RBFOX1: variants seen among roughly 807,000 people sequenced by gnomAD.
The protein encoded by RBFOX1 is RNA binding fox-1 homolog 1.
RBFOX1 carries 8 observed loss-of-function variants against 57.7 expected under a neutral mutation model. That is an observed-to-expected ratio of 0.14 (90% confidence interval 0.08 to 0.25). RBFOX1 has a LOEUF of 0.25. Among genes scored for constraint, RBFOX1 ranks in the 10% least tolerant of loss-of-function variants. RBFOX1 has a pLI of 1.00. For synonymous variants in RBFOX1, 326 were observed against 222.4 expected, an observed-to-expected ratio of 1.47 and a Z score of -4.15; for missense variants, 611 against 548.5, an observed-to-expected ratio of 1.11 and a Z score of -1.14.
chr16:6,664,813 T>A (rs2154102492), intron 3 of RBFOX1, among the ~76,000 whole-genome samples: 1 of 152,282 alleles, frequency 6.6e-6, no homozygotes, highest in South Asian at 2.1e-4. Context: ...AAAGGCAAGG[T>A]AGTACAGTTT....
intron 2 of RBFOX1, among the ~76,000 whole-genome samples, chr16:5,530,236 A>G (rs1163908528): frequency 6.6e-6 from 1 of 152,198 alleles, no homozygotes; most frequent in Non-Finnish European, 1.5e-5. Flanking sequence ...TCCTGATGTG[A>G]TAATGGTGAG....
rs944254731 is a variant in RBFOX1, at chr16:6,137,712, C to G, written c.-127+117720C>G. Among the ~76,000 whole-genome samples the G allele has an allele frequency of 2.0e-5, 3 of 146,768 alleles. No individual in the cohort carries two copies. In the East Asian group the frequency reaches 6.1e-4, roughly 30 times the overall value. The stretch of plus-strand genomic sequence containing the variant: ...TACTACAGCCTCAACTTCTGGGGCT[C>G]AAGTAATCCTGCCACCTCAGCCTCT... On this transcript the variant is annotated intron_variant, in intron 1 of 15. Transcript: ENST00000550418.
At chr16:5,407,849 C>T (rs1414867398) in intron 1 of RBFOX1, among the ~76,000 whole-genome samples, 1 of 152,108 alleles carries the variant, frequency 6.6e-6, no homozygotes, top group Non-Finnish European at 1.5e-5. Context: ...GCACATGGCC[C>T]AGGCCTTTGG....
At chr16:5,983,985 T>C (rs1304610847) in intron 4 of RBFOX1, among the ~76,000 whole-genome samples, 4 of 132,480 alleles carry the variant, frequency 3.0e-5, no homozygotes, top group Non-Finnish European at 6.4e-5. Context: ...TTCTTCTTCC[T>C]CCCACATTCT....
At chr16:6,661,531 T>G (rs111780310) in intron 3 of RBFOX1, among the ~76,000 whole-genome samples, 5,607 of 152,176 alleles carry the variant, frequency 0.037, 258 homozygotes, top group East Asian at 0.1. Flanking sequence ...ATCTTTACTG[T>G]ATGGGGCCAG....
chr16:6,804,982 G>C (rs1023090476), intron 3 of RBFOX1, among the ~76,000 whole-genome samples: 1 of 152,176 alleles, frequency 6.6e-6, no homozygotes, highest in Non-Finnish European at 1.5e-5. Context: ...CACTGTGAAA[G>C]GCAATTCATC....
At chr16:6,154,789 A>G (rs561415370) in intron 1 of RBFOX1, among the ~76,000 whole-genome samples, 15 of 152,360 alleles carry the variant, frequency 9.8e-5, no homozygotes, top group Admixed American at 2.0e-4. Flanking sequence ...TAATGTGACT[A>G]CAGGTCGTAC....
At chr16:5,536,105 C>A (rs934957657) in intron 2 of RBFOX1, among the ~76,000 whole-genome samples, 2 of 149,804 alleles carry the variant, frequency 1.3e-5, no homozygotes, top group Non-Finnish European at 3.0e-5. Flanking sequence ...GCCCCCCCCC[C>A]CTTTTTTTTC....
At chr16:6,048,254 G>A (rs1055218528) in intron 1 of RBFOX1, among the ~76,000 whole-genome samples, 1 of 152,166 alleles carries the variant, frequency 6.6e-6, no homozygotes, top group Non-Finnish European at 1.5e-5. Flanking sequence ...TGAGCGATAG[G>A]ATTTGAGTTC....
chr16:6,059,148 G>A (rs776081518), intron 1 of RBFOX1: 16 of 152,204 alleles, frequency 1.1e-4, no homozygotes, highest in Non-Finnish European at 2.2e-4. Context: ...GAAGGTAGAA[G>A]AGGTGAATAA....
chr16:7,391,602 C>T (rs2098023885), intron 4 of RBFOX1, among the ~76,000 whole-genome samples: 1 of 152,196 alleles, frequency 6.6e-6, no homozygotes, highest in Admixed American at 6.5e-5. Flanking sequence ...AACTTCAGTA[C>T]CTTCATTTGT....
rs537866658 is a variant in RBFOX1 at position 6,934,619 on chromosome 16, T to C, written c.-15-117438T>C. Among the ~76,000 whole-genome samples the C allele has an allele frequency of 7.2e-5, 11 of 152,288 alleles. No homozygotes were observed. The East Asian group carries it at 1.9e-3, about 27-fold the overall frequency. On this transcript the variant is annotated intron_variant, in intron 3 of 15. Coordinates refer to ENST00000550418, the MANE Select transcript of RBFOX1 (RefSeq NM_018723.4). Reference sequence around the variant, plus strand: ...CAGCACAGATGGAACTGGAGGTCATTGTGTTGTGAAATTACTCAAGCACAG... The same window carrying C: ...CAGCACAGATGGAACTGGAGGTCATCGTGTTGTGAAATTACTCAAGCACAG...
At chr16:7,315,354 G>A (rs17647885) in intron 4 of RBFOX1, among the ~76,000 whole-genome samples, 8,779 of 151,836 alleles carry the variant, frequency 0.058, 322 homozygotes, top group South Asian at 0.1. Context: ...AGAAAGATAC[G>A]TAAGGCTTTT....
intron 1 of RBFOX1, among the ~76,000 whole-genome samples, chr16:6,286,080 C>T (rs2076878093): frequency 1.3e-5 from 2 of 152,080 alleles, no homozygotes; most frequent in South Asian, 2.1e-4. Context: ...TAAATGTTCA[C>T]GTATGGCCCT....
intron 2 of RBFOX1, among the ~76,000 whole-genome samples, chr16:6,377,410 TG>T (rs753384051): frequency 1.3e-5 from 2 of 152,190 alleles, no homozygotes; most frequent in Non-Finnish European, 2.9e-5. Flanking sequence ...TCTGACATTC[TG>T]GGGGGCCATG....
chr16:6,221,991 C>A (rs1212596367), intron 1 of RBFOX1, among the ~76,000 whole-genome samples: 2 of 152,102 alleles, frequency 1.3e-5, no homozygotes, highest in African/African-American at 4.8e-5. Context: ...AAGCAGTGGT[C>A]CTTCTTCATG....
intron 3 of RBFOX1, among the ~76,000 whole-genome samples, chr16:5,841,172 A>G (rs2056612711): frequency 6.6e-6 from 1 of 152,336 alleles, no homozygotes; most frequent in African/African-American, 2.4e-5. Context: ...ATCATCTCCA[A>G]CACTATATAG....
At position 5,960,013 on chromosome 16, in the gene RBFOX1, C is replaced by A. The variant is rs146092813; in HGVS notation, c.351+92678C>A. On this transcript the variant is annotated intron_variant, in intron 4 of 19. Transcript: ENST00000641259. ...GTCCGGAGTTCAAGACCAGCCTTGC[C>A]AACATGGTGAAACCCCGTCTCTACT... 4.7e-4 allele frequency among the ~76,000 whole-genome samples: 71 copies of A among 152,174 alleles called. No individual in the cohort carries two copies. The East Asian group carries it at 9.1e-3, about 20-fold the overall frequency.
At chr16:6,876,378 C>T (rs538713087) in intron 3 of RBFOX1, among the ~76,000 whole-genome samples, 1 of 151,886 alleles carries the variant, frequency 6.6e-6, no homozygotes, top group African/African-American at 2.4e-5. Flanking sequence ...TACCATCCAA[C>T]CCCTGAAATG....
Sources: gnomAD v4.1 joint callset for allele counts (sites outside exome capture counted in the v4.1 genomes callset) on GRCh38, gnomAD v4.1.1 for gene constraint, MANE v1.5 for transcripts, NCBI Gene and HGNC (gene_info 2026-07-23, HGNC 2026-07-21) for gene names.